The following PCTP variants were observed in gnomAD, a reference collection of about 807,000 sequenced individuals.
The protein encoded by PCTP is phosphatidylcholine transfer protein.
A neutral mutation model predicts 31.0 loss-of-function variants in PCTP; 27 were observed. The ratio of observed to expected loss-of-function variants is 0.87; its 90% CI spans 0.64 to 1.20. The LOEUF (loss-of-function observed/expected upper bound fraction) is 1.20, where lower values mean the gene tolerates loss of function less well. Ranked by LOEUF, PCTP falls within the 50% of genes most tolerant of loss-of-function variation. The pLI is 0.00. For synonymous variants in PCTP, 108 were observed against 101.2 expected (o/e 1.07, Z -0.40); for missense variants, 287 against 268.2 (o/e 1.07, Z -0.49).
Position 55,773,853 on chromosome 17 carries a change from C to A in PCTP, c.469C>A (p.Gln157Lys), listed in dbSNP as rs904769677. The change falls in exon 4 of 6, where the codon CAG becomes AAG. Residue 157 changes from glutamine (Q) to lysine (K), a missense_variant. Gln to Lys is a moderately conservative substitution (Grantham distance 53). Coordinates refer to ENST00000268896, the MANE Select transcript of PCTP (RefSeq NM_021213.4). Reference protein sequence around the residue: ...SGVIRVKQYKQSLAIESDGKK... With the variant: ...SGVIRVKQYKKSLAIESDGKK... ...GGTGATCCGGGTGAAGCAATACAAG[C>A]AGAGCCTGGCGATCGAGAGTGACGG... The A allele has an allele frequency of 6.2e-7, 1 of 1,612,436 alleles. No individual in the cohort carries two copies. Among genetic ancestry groups the A allele is most frequent in the African/African-American group, 1.3e-5 (1 of 74,986 alleles).
intron 1 of PCTP, among the ~76,000 whole-genome samples, chr17:55,762,891 T>C (rs772730284): frequency 9.2e-5 from 14 of 152,256 alleles, no homozygotes; most frequent in Non-Finnish European, 1.3e-4. Flanking sequence ...TCAAGTCTTA[T>C]GTTTCTTCTG....
At chr17:55,808,432 G>A (rs1912644099) in intron 3 of PCTP, among the ~76,000 whole-genome samples, 2 of 152,226 alleles carry the variant, frequency 1.3e-5, no homozygotes, top group African/African-American at 4.8e-5. Context: ...TGTTGGCTCA[G>A]TCTTTGCTGC....
chr17:55,785,552 A>G (rs1045283968), intron 2 of PCTP, among the ~76,000 whole-genome samples: 5 of 152,236 alleles, frequency 3.3e-5, no homozygotes. Flanking sequence ...GATCTTGCTC[A>G]AATGTTTTCC....
At chr17:55,769,030 C>T (rs986378684) in intron 2 of PCTP, 11 of 152,262 alleles carry the variant, frequency 7.2e-5, no homozygotes, top group African/African-American at 2.2e-4. Flanking sequence ...ACAGCTGCAA[C>T]AGGGAACTTA....
chr17:55,846,008 A>G (rs1357997531), downstream of PCTP, among the ~76,000 whole-genome samples: 6 of 151,938 alleles, frequency 3.9e-5, no homozygotes, highest in Non-Finnish European at 7.4e-5. Flanking sequence ...GCATATTCAT[A>G]GCCTGTTCCT....
intron 3 of PCTP, among the ~76,000 whole-genome samples, chr17:55,795,783 A>T (rs1167213906): frequency 6.6e-6 from 1 of 152,106 alleles, no homozygotes; most frequent in Admixed American, 6.6e-5. Flanking sequence ...AAATATTACT[A>T]TTCTCAAAGA....
At chr17:55,827,997 T>C (rs1252537689), downstream of PCTP, among the ~76,000 whole-genome samples, 1 of 152,078 alleles carries the variant, frequency 6.6e-6, no homozygotes, top group Non-Finnish European at 1.5e-5. Flanking sequence ...CGTTCAAGGG[T>C]GTATATTAAT....
intron 5 of PCTP, among the ~76,000 whole-genome samples, chr17:55,837,459 AT>A: frequency 6.6e-6 from 1 of 152,236 alleles, no homozygotes; most frequent in Admixed American, 6.5e-5. Flanking sequence ...CTCTTAGACG[AT>A]TTGGATGCCC....
downstream of PCTP, among the ~76,000 whole-genome samples, chr17:55,844,666 A>AAT (rs1327653986): frequency 6.6e-6 from 1 of 152,138 alleles, no homozygotes; most frequent in Non-Finnish European, 1.5e-5. Context: ...CATAGAATCT[A>AAT]ATCCCTGCTC....
chr17:55,805,841 G>A (rs950543196), intron 3 of PCTP, among the ~76,000 whole-genome samples: 2 of 150,780 alleles, frequency 1.3e-5, no homozygotes, highest in Admixed American at 6.6e-5. Context: ...TGCTTTTGAA[G>A]TAGGGTATGA....
In PCTP at chr17:55,767,665, A is replaced by G. The variant is rs1365651878; in HGVS notation, c.259+213A>G. On this transcript the variant is annotated intron_variant, in intron 2 of 5. Transcript: ENST00000268896. ...TCTTTAGTAGAGACAGGGTTTCTCC[A>G]TGTTAGTCAGGCTGGTCTTGAACTT... Among the ~76,000 whole-genome samples, 3 of 149,656 alleles carry G rather than the reference A, an allele frequency of 2.0e-5. No homozygotes were observed. In the East Asian group the frequency reaches 6.0e-4, roughly 30 times the overall value.
Position 55,754,842 on chromosome 17 carries a change from C to T in PCTP, c.141+3598C>T, listed in dbSNP as rs187429935. Among the ~76,000 whole-genome samples the T allele has an allele frequency of 1.2e-3, 184 of 152,026 alleles. 1 individual carries two copies. Among genetic ancestry groups the T allele is most frequent in the African/African-American group, 4.1e-3 (168 of 41,462 alleles). On this transcript the variant is annotated intron_variant, in intron 1 of 5. Transcript: ENST00000268896. ...AACAGTGGATAGAAACCTGTGTGCG[C>T]GCGTGTGTGTATTGGATGTACAGTA...
chr17:55,775,709 G>T, intron 5 of PCTP: 2 of 1,215,836 alleles, frequency 1.6e-6, no homozygotes, highest in South Asian at 3.8e-5. Context: ...TCATTTCTTT[G>T]GAAGAATGTA....
chr17:55,760,441 TA>T (rs2144922667), intron 1 of PCTP, among the ~76,000 whole-genome samples: 1 of 152,344 alleles, frequency 6.6e-6, no homozygotes, highest in East Asian at 1.9e-4. Flanking sequence ...TTAATCCTCA[TA>T]ATCATTCCAT....
intron 3 of PCTP, among the ~76,000 whole-genome samples, chr17:55,810,582 C>T (rs964280585): frequency 1.3e-5 from 2 of 152,220 alleles, no homozygotes; most frequent in African/African-American, 4.8e-5. Context: ...GAGTGAACCT[C>T]ATCTACTCGT....
chr17:55,821,626 A>G (rs979072096), intron 3 of PCTP, among the ~76,000 whole-genome samples: 11 of 152,210 alleles, frequency 7.2e-5, no homozygotes, highest in Non-Finnish European at 1.5e-4. Context: ...AATCTTACCT[A>G]AGTCTCATAA....
At chr17:55,789,127 C>T (rs8081323) in intron 3 of PCTP, among the ~76,000 whole-genome samples, 4,096 of 152,266 alleles carry the variant, frequency 0.027, 185 homozygotes, top group African/African-American at 0.094. Context: ...TATGTAATCA[C>T]TTGGCATATT....
At chr17:55,837,480 G>A (rs983141826) in intron 5 of PCTP, among the ~76,000 whole-genome samples, 2 of 152,048 alleles carry the variant, frequency 1.3e-5, no homozygotes, top group Admixed American at 6.6e-5. Flanking sequence ...CTTAAAACTC[G>A]ACATGTCTAA....
At chr17:55,751,337 CA>C (rs1207239729) in intron 1 of PCTP, 93 bp downstream of exon 1, 37 of 1,527,274 alleles carry the variant, frequency 2.4e-5, no homozygotes, top group Non-Finnish European at 3.0e-5. Context: ...GCGGAAGGGA[CA>C]GGGGCGCGTC....
Sources: gnomAD v4.1 joint callset for allele counts (sites outside exome capture counted in the v4.1 genomes callset) on GRCh38, gnomAD v4.1.1 for gene constraint, MANE v1.5 for transcripts, NCBI Gene and HGNC (gene_info 2026-07-23, HGNC 2026-07-21) for gene names.